Variants in STARD8 observed in about 807,000 individuals in gnomAD.
The protein encoded by STARD8 is stAR-related lipid transfer protein 8.
STARD8 carries 25 observed loss-of-function variants against 69.4 expected under a neutral mutation model. The ratio of observed to expected loss-of-function variants is 0.36; its 90% CI spans 0.26 to 0.50. The LOEUF is 0.50. Among genes scored for constraint, STARD8 ranks in the 20% least tolerant of loss-of-function variants. The pLI is 0.96. For synonymous variants in STARD8, 389 were observed against 374.6 expected, an observed-to-expected ratio of 1.04 and a Z score of -0.45; for missense variants, 921 against 932.5, an observed-to-expected ratio of 0.99 and a Z score of 0.16.
intron 4 of STARD8, 81 bp downstream of exon 4, chrX:68,715,456 C>T (rs954401034): frequency 1.2e-6 from 1 of 840,670 alleles, no homozygotes. Flanking sequence ...CCCTTGTACC[C>T]TCTAACAGAG....
At chrX:68,701,650 G>A (rs956803702) in intron 2 of STARD8, among the ~76,000 whole-genome samples, 1 of 112,015 alleles carries the variant, frequency 8.9e-6, no homozygotes, top group Non-Finnish European at 1.9e-5. Flanking sequence ...GGGAGGGAGT[G>A]CAGGAGGGAG....
In STARD8 at chrX:68,653,723, CCA is replaced by C. The variant is rs1287825040; in HGVS notation, c.45+5808_45+5809del. On this transcript the variant is annotated intron_variant, in intron 1 of 14. Transcript: ENST00000374599. ...CCACACATACACCACACACACCACA[CCA>C]CACACACACACCACACGCCACACAC... Among the ~76,000 whole-genome samples, 16 of 95,136 alleles carry C rather than the reference CCA, an allele frequency of 1.7e-4. 1 individual carries two copies. Among genetic ancestry groups the C allele is most frequent in the Non-Finnish European group, 2.8e-4 (13 of 46,573 alleles). The allele number at this position is 95,136 out of a possible 115,157, so 82.6% of individuals were successfully genotyped here. A position where few individuals can be genotyped will look rare whatever the true frequency, so the allele number is the denominator to read the frequency against.
chrX:68,693,716 C>T, intron 2 of STARD8: 2 of 755,020 alleles, frequency 2.6e-6, no homozygotes, highest in Admixed American at 8.5e-5. Flanking sequence ...CACCCCTGCC[C>T]GACCCCAGGC....
In STARD8 at chrX:68,665,487, T is replaced by C; in HGVS notation, c.46-12T>C. On this transcript the variant is annotated splice_polypyrimidine_tract_variant and intron_variant, in intron 1 of 14. Coordinates refer to ENST00000374599, the MANE Select transcript of STARD8 (RefSeq NM_001142503.3). ...CTGCAATGCCTTGACTTCTTCTCTG[T>C]TTCTTTTGCAGTGCTTCCCATTGCT... The C allele has an allele frequency of 8.3e-7, 1 of 1,207,000 alleles. No individual in the cohort carries two copies. Among genetic ancestry groups the C allele is most frequent in the South Asian group, 1.8e-5 (1 of 55,630 alleles).
chrX:68,671,663 AAAACCTCTTGAGACAGGGCCTTAAGGAT>A (rs2147885804), intron 2 of STARD8, among the ~76,000 whole-genome samples: 1 of 112,654 alleles, frequency 8.9e-6, no homozygotes, highest in African/African-American at 3.2e-5. Flanking sequence ...TCCAGATGAC[AAAACCTCTTGAGACAGGGCCTTAAGGAT>A]CCAGTGGTTC....
intron 2 of STARD8, among the ~76,000 whole-genome samples, chrX:68,690,064 T>C (rs755024464): frequency 1.1e-4 from 12 of 110,443 alleles, no homozygotes; most frequent in Non-Finnish European, 2.1e-4. Flanking sequence ...TCCTCTGTTT[T>C]GGGACCTGAT....
chrX:68,706,229 T>C (rs1412343867), intron 2 of STARD8, among the ~76,000 whole-genome samples: 1 of 111,290 alleles, frequency 9.0e-6, no homozygotes, highest in Admixed American at 9.5e-5. Flanking sequence ...CAACCTAGGC[T>C]GGGTGAAATA....
rs2079940597 is a variant in STARD8, at chrX:68,698,542, A to G, written c.80-14372A>G. ...GTGGAGGAGGATGCCTTCCTCCGGG[A>G]GCCTGTATCTGGACAAGCAGTGGCA... On this transcript the variant is annotated intron_variant, in intron 2 of 14. Transcript: ENST00000374599. Among the ~76,000 whole-genome samples, 3 of 110,459 alleles carry G rather than the reference A, an allele frequency of 2.7e-5. No individual in the cohort carries two copies. The Admixed American group carries it at 2.9e-4, about 11-fold the overall frequency.
At chrX:68,657,439 T>C (rs1278757053) in intron 1 of STARD8, among the ~76,000 whole-genome samples, 1 of 112,056 alleles carries the variant, frequency 8.9e-6, no homozygotes, top group Non-Finnish European at 1.9e-5. Flanking sequence ...AAAACTGCTG[T>C]AGGTCCTCAT....
chrX:68,653,073 ACACACACCACAC>A (rs1569351012), intron 1 of STARD8, among the ~76,000 whole-genome samples: 26 of 43,092 alleles, frequency 6.0e-4, no homozygotes, highest in African/African-American at 8.9e-4. Flanking sequence ...CACACACCAC[ACACACACCACAC>A]CACACACCAC....
chrX:68,668,509 GA>G (rs763432134), intron 2 of STARD8, among the ~76,000 whole-genome samples: 18 of 109,515 alleles, frequency 1.6e-4, no homozygotes, highest in Non-Finnish European at 1.7e-4. Context: ...CTTCTATTAG[GA>G]TGAATCAAGC....
chrX:68,672,524 A>G (rs1468033970), intron 2 of STARD8, among the ~76,000 whole-genome samples: 1 of 111,806 alleles, frequency 8.9e-6, no homozygotes, highest in Non-Finnish European at 1.9e-5. Context: ...ACAGTGACCA[A>G]TGGCTGAAGA....
Position 68,724,302 on chromosome X carries a change from T to G in STARD8, c.3195-3T>G. ...TCATGCCTGGTTTCTTCTGCTTCCC[T>G]AGGGGCCGTTCTCCTGACTGGTACA... On this transcript the variant is annotated splice_region_variant and splice_polypyrimidine_tract_variant and intron_variant, in intron 14 of 14. Coordinates refer to ENST00000374599, the MANE Select transcript of STARD8 (RefSeq NM_001142503.3). 3 of 1,209,583 alleles carry G rather than the reference T, an allele frequency of 2.5e-6. No individual in the cohort carries two copies. Among genetic ancestry groups the G allele is most frequent in the Non-Finnish European group, 3.4e-6 (3 of 894,059 alleles).
chrX:68,675,978 A>G (rs921586883), intron 2 of STARD8, among the ~76,000 whole-genome samples: 3 of 112,001 alleles, frequency 2.7e-5, no homozygotes, highest in African/African-American at 9.8e-5. Flanking sequence ...TTTCCCTATC[A>G]TTAAAATGAA....
At chrX:68,661,970 C>CTCTT (rs1169605331) in intron 1 of STARD8, among the ~76,000 whole-genome samples, 3,023 of 55,941 alleles carry the variant, frequency 0.054, 136 homozygotes, top group South Asian at 0.14. Context: ...CTCTCTCTCT[C>CTCTT]TCTTTCTTTC....
intron 12 of STARD8, 72 bp downstream of exon 12, chrX:68,722,718 C>G: frequency 9.4e-7 from 1 of 1,068,088 alleles, no homozygotes; most frequent in Non-Finnish European, 1.3e-6. Flanking sequence ...GTCAGAGAAC[C>G]CAAAGGAAGG....
chrX:68,675,025 C>T (rs75200026), intron 2 of STARD8, among the ~76,000 whole-genome samples: 3 of 105,615 alleles, frequency 2.8e-5, no homozygotes, highest in Admixed American at 1.0e-4. Context: ...GATGAGATCT[C>T]GGCTCACTGC....
chrX:68,656,729 A>G lies in STARD8; in HGVS notation c.46-8770A>G, dbSNP rs372153298. ...TGTAGGGACATGGATGAAGATGGAAACCATCATTCTCAGCAAACTATCTCA... is the reference window on the plus strand; with the variant it reads ...TGTAGGGACATGGATGAAGATGGAAGCCATCATTCTCAGCAAACTATCTCA... On this transcript the variant is annotated intron_variant, in intron 1 of 14. Transcript: ENST00000374599. Among the ~76,000 whole-genome samples, 23 of 111,335 alleles carry G rather than the reference A, an allele frequency of 2.1e-4. No individual in the cohort carries two copies. The East Asian group carries it at 3.1e-3, about 15-fold the overall frequency.
intron 12 of STARD8, 111 bp from the exon 13 acceptor site, chrX:68,723,515 A>G (rs2080169477): frequency 3.0e-6 from 2 of 662,112 alleles, no homozygotes; most frequent in Middle Eastern, 3.8e-4. Context: ...GGAGCTCTGC[A>G]GCCTACCCTA....
Sources: allele counts gnomAD v4.1 joint callset (sites outside exome capture counted in the v4.1 genomes callset), GRCh38; gene constraint gnomAD v4.1.1; transcripts MANE v1.5; gene names NCBI Gene and HGNC (gene_info 2026-07-23, HGNC 2026-07-21).